Variants in DLG5 observed in about 807,000 individuals in gnomAD.
The protein encoded by DLG5 is disks large homolog 5.
A neutral mutation model predicts 189.8 loss-of-function variants in DLG5; 48 were observed. The ratio of observed to expected loss-of-function variants is 0.25; its 90% CI spans 0.20 to 0.32. The LOEUF (loss-of-function observed/expected upper bound fraction) is 0.32. DLG5 is among the 10% of genes least tolerant of loss of function. DLG5 has a pLI of 1.00. For missense variants in DLG5, 2,160 were observed against 2,544.7 expected, an observed-to-expected ratio of 0.85 and a Z score of 3.25; for synonymous variants, 1,016 against 1,054.1, an observed-to-expected ratio of 0.96 and a Z score of 0.70.
chr10:77,926,488 C>T lies in DLG5; in HGVS notation c.33G>A (p.Gln11=). The part of the protein sequence containing the change: MEPQRRELLA[Q]CQQSLAQAMT... ...TGGCCTGGGCCAGGCTCTGCTGACACTGGGCGAGCAGCTCCCGGCGCTGGG... is the reference window on the plus strand; with the variant it reads ...TGGCCTGGGCCAGGCTCTGCTGACATTGGGCGAGCAGCTCCCGGCGCTGGG... The change falls in exon 1 of 32, where the codon CAG becomes CAA. Residue 11 remains glutamine (Q), a synonymous_variant. Coordinates refer to ENST00000372391, the MANE Select transcript of DLG5 (RefSeq NM_004747.4). The surrounding 1 kb of genome is among the most constrained non-coding windows in gnomAD (Gnocchi z 5.2). 7.0e-7 allele frequency: 1 copy of T among 1,437,808 alleles called. No individual in the cohort carries two copies. The highest frequency in any genetic ancestry group is 9.2e-7 in the Non-Finnish European group (1 of 1,089,708). The allele number at this position is 1,437,808 out of a possible 1,614,324, so 89.1% of individuals were successfully genotyped here. A position where few individuals can be genotyped will look rare whatever the true frequency, so the allele number is the denominator to read the frequency against.
intron 12 of DLG5, 68 bp downstream of exon 12, chr10:77,829,287 C>G: frequency 1.3e-6 from 2 of 1,598,864 alleles, no homozygotes; most frequent in Non-Finnish European, 1.7e-6. Flanking sequence ...AGGGGCACCC[C>G]CGGCCCCTGT....
At chr10:77,901,658 G>A (rs997191867) in intron 1 of DLG5, among the ~76,000 whole-genome samples, 1 of 152,150 alleles carries the variant, frequency 6.6e-6, no homozygotes, top group African/African-American at 2.4e-5. Context: ...CAGCCTCCTG[G>A]CACTCTCACT....
intron 1 of DLG5, among the ~76,000 whole-genome samples, chr10:77,883,818 T>C (rs761269897): frequency 6.8e-6 from 1 of 147,832 alleles, no homozygotes; most frequent in Non-Finnish European, 1.5e-5. Flanking sequence ...TGACTCAGCC[T>C]CCCAAGTAAC....
intron 1 of DLG5, chr10:77,869,574 G>T: frequency 3.8e-6 from 1 of 261,136 alleles, no homozygotes; most frequent in Non-Finnish European, 7.3e-6. Context: ...CCATGCAGAG[G>T]GTAACAGAGC....
chr10:77,795,025 CCAG>C, intron 29 of DLG5, 67 bp from the exon 30 acceptor site: 1 of 1,250,644 alleles, frequency 8.0e-7, no homozygotes, highest in Non-Finnish European at 1.2e-6. Context: ...TGTCCTGCCA[CCAG>C]CAGGACCCAC....
At chr10:77,907,708 T>C (rs549076639) in intron 1 of DLG5, among the ~76,000 whole-genome samples, 1 of 152,264 alleles carries the variant, frequency 6.6e-6, no homozygotes, top group South Asian at 2.1e-4. Context: ...ATTCCACAGA[T>C]GAGGAAACCA....
At chr10:77,871,280 T>A (rs1204679332) in intron 1 of DLG5, among the ~76,000 whole-genome samples, 1 of 152,038 alleles carries the variant, frequency 6.6e-6, no homozygotes. Flanking sequence ...CTGCCAGGTA[T>A]GAAAAGCCTG....
intron 20 of DLG5, 87 bp from the exon 21 acceptor site, chr10:77,812,464 G>C (rs952113563): frequency 7.1e-5 from 106 of 1,486,476 alleles, no homozygotes; most frequent in Non-Finnish European, 9.5e-5. Context: ...CATATGATCT[G>C]ACAGTGCAGA....
At chr10:77,795,385 C>G (rs957032833) in intron 29 of DLG5, among the ~76,000 whole-genome samples, 7 of 152,144 alleles carry the variant, frequency 4.6e-5, no homozygotes, top group African/African-American at 1.7e-4. Flanking sequence ...AGGTGGAGTG[C>G]AGGCCCGTGC....
chr10:77,822,415 G>A (rs766146582), intron 14 of DLG5, among the ~76,000 whole-genome samples: 1 of 152,332 alleles, frequency 6.6e-6, no homozygotes, highest in Middle Eastern at 3.4e-3. Flanking sequence ...GTAGGCTGAG[G>A]CAGGCGGGTC....
At chr10:77,854,904 A>G (rs1201766138) in intron 3 of DLG5, among the ~76,000 whole-genome samples, 2 of 152,052 alleles carry the variant, frequency 1.3e-5, no homozygotes, top group Non-Finnish European at 2.9e-5. Flanking sequence ...TGGGAGGATC[A>G]CTTGAGCCCA....
At chr10:77,801,680 G>A (rs1003906784) in intron 27 of DLG5, among the ~76,000 whole-genome samples, 6 of 152,318 alleles carry the variant, frequency 3.9e-5, no homozygotes, top group Admixed American at 3.3e-4. Context: ...TTCTGAGAAA[G>A]GAAGGCAGAG....
chr10:77,890,398 C>T (rs1845572250), intron 1 of DLG5, among the ~76,000 whole-genome samples: 1 of 152,148 alleles, frequency 6.6e-6, no homozygotes, highest in African/African-American at 2.4e-5. Context: ...TCTCATCCAC[C>T]CCACGATTCA....
rs1842244377 is a variant in DLG5 at position 77,819,797 on chromosome 10, A to G, written c.3526+98T>C. On this transcript the variant is annotated intron_variant, in intron 16 of 31. Coordinates refer to ENST00000372391, the MANE Select transcript of DLG5 (RefSeq NM_004747.4). ...CTCTGGACCTCAGGGCTGAAAACAC[A>G]TGGCAGCTCTCTGAAATGCTGCCTC... 8 of 1,484,966 alleles carry G rather than the reference A, an allele frequency of 5.4e-6. No individual in the cohort carries two copies. The Admixed American group carries it at 1.6e-4, about 30-fold the overall frequency. 92.0% of individuals were successfully genotyped at this position (1,484,966 alleles called of 1,614,324 possible). A position where few individuals can be genotyped will look rare whatever the true frequency, so the allele number is the denominator to read the frequency against.
At chr10:77,801,040 A>G (rs534341650) in intron 27 of DLG5, among the ~76,000 whole-genome samples, 68 of 152,342 alleles carry the variant, frequency 4.5e-4, no homozygotes, top group African/African-American at 1.6e-3. Flanking sequence ...GGAAGCTGGC[A>G]ACATCACTCG....
At chr10:77,922,764 G>A (rs1320682953) in intron 1 of DLG5, among the ~76,000 whole-genome samples, 1 of 152,182 alleles carries the variant, frequency 6.6e-6, no homozygotes, top group Non-Finnish European at 1.5e-5. Context: ...ACAAAATCCT[G>A]AATGACAATG....
chr10:77,887,905 C>T (rs967088686), intron 1 of DLG5, among the ~76,000 whole-genome samples: 5 of 152,166 alleles, frequency 3.3e-5, no homozygotes, highest in African/African-American at 9.7e-5. Context: ...TACAGCCAGC[C>T]GGCGATTTTC....
chr10:77,799,163 A>C (rs1450443032), intron 27 of DLG5, among the ~76,000 whole-genome samples: 2 of 152,234 alleles, frequency 1.3e-5, no homozygotes, highest in African/African-American at 4.8e-5. Flanking sequence ...CAACTGGAGA[A>C]GAAAAACAGC....
intron 18 of DLG5, among the ~76,000 whole-genome samples, chr10:77,817,448 A>G (rs190562706): frequency 3.3e-5 from 5 of 152,334 alleles, no homozygotes; most frequent in Middle Eastern, 3.4e-3. Flanking sequence ...TTCACTTTCC[A>G]TACAAAAATG....
Sources: allele counts gnomAD v4.1 joint callset (sites outside exome capture counted in the v4.1 genomes callset), GRCh38; gene constraint gnomAD v4.1.1; non-coding constraint Gnocchi (gnomAD v3.1); transcripts MANE v1.5; gene names NCBI Gene and HGNC (gene_info 2026-07-23, HGNC 2026-07-21).